Variants in NAALADL2 observed in about 807,000 individuals in gnomAD.
NAALADL2 encodes the protein N-acetylated alpha-linked acidic dipeptidase like 2.
In NAALADL2, 76 loss-of-function variants were observed where a neutral mutation model predicts 87.2. The ratio of observed to expected loss-of-function variants is 0.87; its 90% confidence interval spans 0.72 to 1.05. The LOEUF is 1.05. NAALADL2 is among the 50% of genes least tolerant of loss of function. The probability of loss-of-function intolerance (pLI) is 0.00; values close to 1 mark genes in which losing one functional copy is unlikely to be tolerated. For missense variants in NAALADL2, 1,089 were observed against 945.8 expected (o/e 1.15, Z -1.99); for synonymous variants, 354 against 331.0 (o/e 1.07, Z -0.75).
At chr3:175,736,280 C>T (rs1031689092) in intron 11 of NAALADL2, among the ~76,000 whole-genome samples, 4 of 152,022 alleles carry the variant, frequency 2.6e-5, no homozygotes, top group African/African-American at 9.7e-5. Context: ...TTGGGGATGC[C>T]TTTTAAAATT....
At chr3:175,386,057 T>A (rs2149001409) in intron 5 of NAALADL2, among the ~76,000 whole-genome samples, 1 of 152,162 alleles carries the variant, frequency 6.6e-6, no homozygotes, top group South Asian at 2.1e-4. Context: ...TGTTATAAAG[T>A]TACTCTTTCT....
intron 1 of NAALADL2, among the ~76,000 whole-genome samples, chr3:174,446,123 T>G (rs927231025): frequency 1.3e-5 from 2 of 152,182 alleles, no homozygotes; most frequent in Non-Finnish European, 2.9e-5. Context: ...GAATTTTCCC[T>G]AACTGCTTGT....
At chr3:175,751,925 G>A (rs188791859) in intron 12 of NAALADL2, among the ~76,000 whole-genome samples, 3 of 151,934 alleles carry the variant, frequency 2.0e-5, no homozygotes, top group East Asian at 1.9e-4. Context: ...CCCTACAATA[G>A]CCTCTTTTCT....
intron 1 of NAALADL2, among the ~76,000 whole-genome samples, chr3:174,508,113 G>GTTTTCTTTTTTT (rs1560020933): frequency 1.1e-5 from 1 of 92,942 alleles, no homozygotes; most frequent in African/African-American, 3.9e-5. Flanking sequence ...GATATCTAGT[G>GTTTTCTTTTTTT]GTTTTTTTTT....
At chr3:175,691,598 C>G (rs1325312474) in intron 11 of NAALADL2, among the ~76,000 whole-genome samples, 1 of 151,846 alleles carries the variant, frequency 6.6e-6, no homozygotes, top group African/African-American at 2.4e-5. Context: ...TAATTTAAAT[C>G]TCTTTCCTAA....
At chr3:174,807,888 T>TGTGTGTGTGTGA (rs575685742) in intron 3 of NAALADL2, among the ~76,000 whole-genome samples, 12 of 111,604 alleles carry the variant, frequency 1.1e-4, no homozygotes, top group African/African-American at 3.4e-4. Flanking sequence ...TGTGTGTGTG[T>TGTGTGTGTGTGA]GAGAGAGAGA....
intron 1 of NAALADL2, among the ~76,000 whole-genome samples, chr3:174,896,833 AC>A (rs1196149450): frequency 1.3e-5 from 2 of 152,190 alleles, no homozygotes; most frequent in Non-Finnish European, 2.9e-5. Context: ...AGACACATAG[AC>A]CAATGGAACA....
intron 2 of NAALADL2, among the ~76,000 whole-genome samples, chr3:174,645,733 A>C (rs1723714371): frequency 6.6e-6 from 1 of 152,200 alleles, no homozygotes; most frequent in Admixed American, 6.5e-5. Flanking sequence ...TCCAATATCC[A>C]CTTGACTAAG....
chr3:175,710,578 G>A (rs985261124), intron 11 of NAALADL2, among the ~76,000 whole-genome samples: 8 of 138,178 alleles, frequency 5.8e-5, no homozygotes, highest in African/African-American at 2.5e-4. Context: ...GTGTAAATAC[G>A]TATTCAGATA....
intron 1 of NAALADL2, among the ~76,000 whole-genome samples, chr3:175,031,231 C>T (rs1752760140): frequency 6.6e-6 from 1 of 151,798 alleles, no homozygotes; most frequent in African/African-American, 2.4e-5. Flanking sequence ...GTTTCATCAC[C>T]CAGGTAGCCT....
intron 4 of NAALADL2, among the ~76,000 whole-genome samples, chr3:175,300,574 T>C (rs1314468606): frequency 1.3e-5 from 2 of 152,034 alleles, no homozygotes; most frequent in Non-Finnish European, 1.5e-5. Context: ...TTTATTTGCG[T>C]ACAGGTGTTT....
intron 2 of NAALADL2, among the ~76,000 whole-genome samples, chr3:175,190,903 G>A (rs1156888721): frequency 6.6e-6 from 1 of 151,404 alleles, no homozygotes; most frequent in South Asian, 2.1e-4. Flanking sequence ...GCGTGAACCC[G>A]GGAGGCGGAG....
chr3:175,447,914 A>G (rs534027581), intron 6 of NAALADL2, among the ~76,000 whole-genome samples: 2 of 152,292 alleles, frequency 1.3e-5, no homozygotes, highest in African/African-American at 4.8e-5. Flanking sequence ...CTGTGGAGGG[A>G]TGAAAGCCTT....
At chr3:175,013,272 T>TATATATGTATATATA (rs1750340997) in intron 1 of NAALADL2, among the ~76,000 whole-genome samples, 1 of 96,346 alleles carries the variant, frequency 1.0e-5, no homozygotes, top group East Asian at 2.8e-4. Flanking sequence ...TATTTTTATA[T>TATATATGTATATATA]ATATACATAT....
chr3:174,682,400 TGAGTGAACTTAGGTGA>T (rs756348711), intron 2 of NAALADL2, among the ~76,000 whole-genome samples: 63 of 152,250 alleles, frequency 4.1e-4, no homozygotes, highest in Middle Eastern at 3.4e-3. Context: ...CCTAGGTCTT[TGAGTGAACTTAGGTGA>T]TAGCCAGGCA....
At chr3:174,895,546 C>G (rs1731410501) in intron 1 of NAALADL2, among the ~76,000 whole-genome samples, 1 of 152,042 alleles carries the variant, frequency 6.6e-6, no homozygotes, top group Non-Finnish European at 1.5e-5. Context: ...CAAATTCTTC[C>G]AGTAAAGAAA....
chr3:174,975,226 T>G (rs1490961403), intron 1 of NAALADL2, among the ~76,000 whole-genome samples: 1 of 152,214 alleles, frequency 6.6e-6, no homozygotes, highest in Non-Finnish European at 1.5e-5. Flanking sequence ...GACATCTTTC[T>G]GCTTCTGTCA....
chr3:175,191,688 G>A (rs893137190), intron 2 of NAALADL2, among the ~76,000 whole-genome samples: 2 of 152,172 alleles, frequency 1.3e-5, no homozygotes, highest in Admixed American at 6.5e-5. Flanking sequence ...AAGATATAAT[G>A]TACGCATTTT....
intron 2 of NAALADL2, among the ~76,000 whole-genome samples, chr3:175,188,900 G>A (rs778393415): frequency 2.7e-5 from 4 of 150,296 alleles, no homozygotes; most frequent in African/African-American, 4.9e-5. Context: ...ACCCAAGCCC[G>A]AGATCACACT....
Sources: gnomAD v4.1 joint callset for allele counts (sites outside exome capture counted in the v4.1 genomes callset) on GRCh38, gnomAD v4.1.1 for gene constraint, MANE v1.5 for transcripts, NCBI Gene and HGNC (gene_info 2026-07-23, HGNC 2026-07-21) for gene names.